Variants in RBM4B observed in about 807,000 individuals in gnomAD.
The protein encoded by RBM4B is RNA-binding protein 4B.
In RBM4B, 13 loss-of-function variants were observed where a neutral mutation model predicts 28.5. That is an observed-to-expected ratio of 0.46 (90% CI 0.30 to 0.72). RBM4B has a LOEUF of 0.72. Ranked by LOEUF, RBM4B falls within the 30% of genes least tolerant of loss-of-function variation. RBM4B has a pLI of 0.09. For synonymous variants in RBM4B, 167 were observed against 179.1 expected (o/e 0.93, Z 0.54); for missense variants, 387 against 477.6 (o/e 0.81, Z 1.77).
intron 2 of RBM4B, among the ~76,000 whole-genome samples, chr11:66,669,883 A>G (rs1028381108): frequency 6.6e-6 from 1 of 152,240 alleles, no homozygotes; most frequent in Non-Finnish European, 1.5e-5. Flanking sequence ...CCCCTTATAC[A>G]CAACAATTGG....
chr11:66,669,288 T>C lies in RBM4B; in HGVS notation c.416A>G (p.Lys139Arg), dbSNP rs1184280155. Residue 139 changes from lysine (K) to arginine (R), a missense_variant, in exon 3 of 4, where the codon AAA becomes AGA. Transcript: ENST00000310046. ...RGLDNTEFQG[K>R]RMHVQLSTSR... The stretch of plus-strand genomic sequence containing the variant: ...TGTGGACAACTGCACATGCATTCTT[T>C]TGCCTTGAGGGAACAGATGTAAGAA... The C allele has an allele frequency of 6.2e-7, 1 of 1,612,390 alleles. No individual in the cohort carries two copies.
rs376409058 is a variant in RBM4B at position 66,671,779 on chromosome 11, C to T, written c.413-2488G>A. On this transcript the variant is annotated intron_variant, in intron 2 of 3. Coordinates refer to ENST00000310046, the MANE Select transcript of RBM4B (RefSeq NM_031492.4). ...TTTTTGAGACGTAGTTTTGCTCTGT[C>T]GCCCAGGCTGGAGTGCAGTGGCGAA... Among the ~76,000 whole-genome samples the T allele has an allele frequency of 4.2e-3, 646 of 152,240 alleles. 1 individual carries two copies. The highest frequency in any genetic ancestry group is 6.3e-3 in the Non-Finnish European group (430 of 68,018).
rs1939344871 is a variant in RBM4B at position 66,668,739 on chromosome 11, T to C, written c.965A>G (p.Tyr322Cys). Residue 322 changes from tyrosine (Y) to cysteine (C), a missense_variant, in exon 3 of 4, where the codon TAT becomes TGT. By Grantham distance (194) the Tyr-to-Cys change is radical. Coordinates refer to ENST00000310046, the MANE Select transcript of RBM4B (RefSeq NM_031492.4). The stretch of plus-strand genomic sequence containing the variant: ...CTGAGATAATTCACTCTCTGGCCCA[T>C]AACCGTAGCCCTCTCCAACTGTGGG... ...MLPTVGEGYG[Y>C]GPESELSQAS... 6.2e-7 allele frequency: 1 copy of C among 1,614,090 alleles called. No homozygotes were observed. The highest frequency in any genetic ancestry group is 1.7e-5 in the Admixed American group (1 of 60,004).
At position 66,670,856 on chromosome 11, in the gene RBM4B, A is replaced by G. The variant is rs932906617; in HGVS notation, c.413-1565T>C. ...CGCAGTCAGTACAGATAAAAAGAACAGGGCTTCTCATTACTCTTAAGGACT... is the reference window on the plus strand; with the variant it reads ...CGCAGTCAGTACAGATAAAAAGAACGGGGCTTCTCATTACTCTTAAGGACT... On this transcript the variant is annotated intron_variant, in intron 2 of 3. Coordinates refer to ENST00000310046, the MANE Select transcript of RBM4B (RefSeq NM_031492.4). The G allele has an allele frequency of 8.6e-6, 6 of 696,232 alleles. No homozygotes were observed. The African/African-American group carries it at 8.8e-5, about 10-fold the overall frequency. The allele number at this position is 696,232 out of a possible 1,614,324, so 43.1% of individuals were successfully genotyped here. A position where few individuals can be genotyped will look rare whatever the true frequency, so the allele number is the denominator to read the frequency against.
chr11:66,665,675 GAA>G, intron 3 of RBM4B, 97 bp from the exon 4 acceptor site: 10 of 1,498,082 alleles, frequency 6.7e-6, no homozygotes, highest in Non-Finnish European at 8.0e-6. Flanking sequence ...ATTCCGGGGG[GAA>G]AAAAAAGAAC....
rs576493232 is a variant in RBM4B, at chr11:66,676,223, TTTC to T, written c.412+442_412+444del. On this transcript the variant is annotated intron_variant, in intron 2 of 3. Transcript: ENST00000310046. ...TATAGGGCTTCCTCTAGATGTCTTTTTTCTTCTTTCCCACCAGTATCCACCCAA... is the reference window on the plus strand; with the variant it reads ...TATAGGGCTTCCTCTAGATGTCTTTTTTCTTTCCCACCAGTATCCACCCAA... 5.5e-4 allele frequency: 106 copies of T among 191,676 alleles called. 1 individual carries two copies. The East Asian group carries it at 0.014, about 25-fold the overall frequency. 11.9% of individuals were successfully genotyped at this position (191,676 alleles called of 1,614,324 possible).
At chr11:66,668,551 G>A (rs1939334411) in intron 3 of RBM4B, 64 bp downstream of exon 3, 1 of 1,378,148 alleles carries the variant, frequency 7.3e-7, no homozygotes, top group African/African-American at 1.4e-5. Context: ...CCACTTTTAT[G>A]AAGCATGGGT....
intron 3 of RBM4B, chr11:66,666,019 C>G: frequency 7.2e-7 from 1 of 1,392,646 alleles, no homozygotes; most frequent in Non-Finnish European, 9.7e-7. Context: ...TTTAATCTTT[C>G]ACAGTAAACA....
intron 2 of RBM4B, among the ~76,000 whole-genome samples, chr11:66,671,359 T>C (rs1374409068): frequency 1.3e-5 from 2 of 152,212 alleles, no homozygotes; most frequent in Non-Finnish European, 2.9e-5. Flanking sequence ...ATATCTCAAA[T>C]GCATAGTTCC....
chr11:66,668,847 G>T lies in RBM4B; in HGVS notation c.857C>A (p.Ala286Asp). The change falls in exon 3 of 4, where the codon GCT (alanine) becomes GAT (aspartate). Residue 286 changes from alanine to aspartate, a missense_variant. Coordinates refer to ENST00000310046, the MANE Select transcript of RBM4B (RefSeq NM_031492.4). Reference protein sequence around the residue: ...LPNSGAAATSAAMAAAAATTS... With the variant: ...LPNSGAAATSDAMAAAAATTS... ...GGTGGCTGCAGCAGCAGCCATAGCA[G>T]CTGAAGTGGCAGCAGCGCCAGAGTT... 6.2e-7 allele frequency: 1 copy of T among 1,614,214 alleles called. No individual in the cohort carries two copies.
At chr11:66,673,908 A>G (rs1404221656) in intron 2 of RBM4B, among the ~76,000 whole-genome samples, 3 of 152,118 alleles carry the variant, frequency 2.0e-5, no homozygotes, top group Non-Finnish European at 4.4e-5. Flanking sequence ...CATCTGGGAG[A>G]AAAAAAACCA....
intron 3 of RBM4B, 198 bp from the exon 4 acceptor site, chr11:66,665,776 T>C: frequency 2.2e-6 from 3 of 1,336,492 alleles, no homozygotes; most frequent in South Asian, 1.4e-5. Context: ...AATCCACTTA[T>C]GGCTATATAT....
intron 2 of RBM4B, chr11:66,675,674 AG>A (rs1218976404): frequency 3.3e-5 from 5 of 152,240 alleles, no homozygotes; most frequent in Non-Finnish European, 5.9e-5. Context: ...TATGAACATG[AG>A]GTCCAAGACG....
At chr11:66,670,801 C>A (rs1234705379) in intron 2 of RBM4B, 9 of 620,212 alleles carry the variant, frequency 1.5e-5, no homozygotes, top group Middle Eastern at 2.6e-4. Flanking sequence ...GTGTGAGACT[C>A]CATCTCAAAA....
intron 2 of RBM4B, chr11:66,675,676 G>A (rs938873759): frequency 2.6e-5 from 4 of 152,274 alleles, no homozygotes; most frequent in Admixed American, 2.0e-4. Flanking sequence ...TGAACATGAG[G>A]TCCAAGACGA....
At chr11:66,669,516 A>G (rs1198036814) in intron 2 of RBM4B, among the ~76,000 whole-genome samples, 1 of 151,430 alleles carries the variant, frequency 6.6e-6, no homozygotes, top group Non-Finnish European at 1.5e-5. Flanking sequence ...GCACAATCTC[A>G]GCTCACCGCA....
intron 2 of RBM4B, 43 bp downstream of exon 2, chr11:66,676,625 T>C: frequency 1.2e-6 from 2 of 1,602,934 alleles, no homozygotes; most frequent in African/African-American, 1.3e-5. Context: ...TGTTTTGAGC[T>C]AGACCCCACT....
At chr11:66,674,692 C>G (rs1186323483) in intron 2 of RBM4B, among the ~76,000 whole-genome samples, 1 of 151,946 alleles carries the variant, frequency 6.6e-6, no homozygotes, top group Non-Finnish European at 1.5e-5. Flanking sequence ...CTCAGCCTCC[C>G]GAGTAGCTGG....
At chr11:66,665,621 G>A (rs888984731) in intron 3 of RBM4B, 43 bp from the exon 4 acceptor site, 1 of 1,535,678 alleles carries the variant, frequency 6.5e-7, no homozygotes, top group Non-Finnish European at 8.7e-7. Context: ...AATGCCTGGA[G>A]AGCAGCCTGG....
Sources: allele counts gnomAD v4.1 joint callset (sites outside exome capture counted in the v4.1 genomes callset), GRCh38; gene constraint gnomAD v4.1.1; transcripts MANE v1.5; gene names NCBI Gene and HGNC (gene_info 2026-07-23, HGNC 2026-07-21).